The following DLG2 variants were observed in gnomAD, a reference collection of about 807,000 sequenced individuals.
The protein encoded by DLG2 is discs large MAGUK scaffold protein 2.
DLG2 carries 45 observed loss-of-function variants against 132.5 expected under a neutral mutation model. The observed-to-expected ratio is 0.34, with a 90% CI of 0.27 to 0.44. DLG2 has a LOEUF of 0.44. Ranked by LOEUF, DLG2 falls within the 20% of genes least tolerant of loss-of-function variation. The pLI, the probability that DLG2 is intolerant of heterozygous loss-of-function variation, is 1.00. For missense variants in DLG2, 1,045 were observed against 1,196.9 expected, an observed-to-expected ratio of 0.87 and a Z score of 1.87; for synonymous variants, 424 against 419.6, an observed-to-expected ratio of 1.01 and a Z score of -0.13.
intron 17 of DLG2, among the ~76,000 whole-genome samples, chr11:83,833,015 A>G (rs1050212884): frequency 6.6e-6 from 1 of 152,204 alleles, no homozygotes; most frequent in Non-Finnish European, 1.5e-5. Context: ...ATTTTTAAAA[A>G]GGCATGCTTC....
At chr11:84,697,686 G>T (rs936725602) in intron 6 of DLG2, among the ~76,000 whole-genome samples, 1 of 151,318 alleles carries the variant, frequency 6.6e-6, no homozygotes, top group Admixed American at 6.6e-5. Flanking sequence ...GTTAAAGAAC[G>T]AAAGCTTTGA....
intron 6 of DLG2, among the ~76,000 whole-genome samples, chr11:84,777,314 TA>T (rs2070818052): frequency 8.3e-6 from 1 of 120,034 alleles, no homozygotes; most frequent in African/African-American, 3.1e-5. Flanking sequence ...TATATATATA[TA>T]TATATATATA....
At chr11:85,290,142 A>G (rs1334595367) in intron 3 of DLG2, among the ~76,000 whole-genome samples, 1 of 152,152 alleles carries the variant, frequency 6.6e-6, no homozygotes, top group Non-Finnish European at 1.5e-5. Flanking sequence ...AAAATCATTG[A>G]ATGAAGTCAA....
intron 14 of DLG2, among the ~76,000 whole-genome samples, chr11:83,942,124 T>G (rs759129315): frequency 6.6e-6 from 1 of 152,308 alleles, no homozygotes; most frequent in Non-Finnish European, 1.5e-5. Context: ...TTTATGTTCA[T>G]TAGTGCTGAA....
At chr11:85,553,077 T>C (rs2076756211) in intron 3 of DLG2, among the ~76,000 whole-genome samples, 1 of 151,314 alleles carries the variant, frequency 6.6e-6, no homozygotes. Flanking sequence ...CTAATTATAA[T>C]TTCATTTATT....
intron 7 of DLG2, among the ~76,000 whole-genome samples, chr11:84,306,431 T>C (rs1386429658): frequency 6.6e-6 from 1 of 152,182 alleles, no homozygotes; most frequent in East Asian, 1.9e-4. Flanking sequence ...AAATCAGCAT[T>C]ATGTTTTAAG....
intron 8 of DLG2, among the ~76,000 whole-genome samples, chr11:84,214,885 A>C (rs1052866899): frequency 7.2e-5 from 11 of 152,198 alleles, no homozygotes; most frequent in African/African-American, 2.7e-4. Context: ...TTAAGTAGGA[A>C]AAGGTATAAA....
chr11:84,406,295 T>A (rs2154449951), intron 7 of DLG2, among the ~76,000 whole-genome samples: 1 of 152,230 alleles, frequency 6.6e-6, no homozygotes, highest in Non-Finnish European at 1.5e-5. Flanking sequence ...GACCTTTTTT[T>A]GTTGTTGTTT....
chr11:84,781,792 C>A (rs2071824510), intron 6 of DLG2, among the ~76,000 whole-genome samples: 1 of 152,082 alleles, frequency 6.6e-6, no homozygotes, highest in Non-Finnish European at 1.5e-5. Context: ...TGGAAGGAAA[C>A]AAGATATTTC....
At chr11:84,506,768 ATG>A (rs1391987494) in intron 7 of DLG2, among the ~76,000 whole-genome samples, 7 of 152,194 alleles carry the variant, frequency 4.6e-5, no homozygotes, top group African/African-American at 1.7e-4. Flanking sequence ...TAATATTTAT[ATG>A]TGTAGTATCT....
intron 7 of DLG2, among the ~76,000 whole-genome samples, chr11:84,340,033 A>G (rs1365754978): frequency 2.0e-5 from 3 of 152,242 alleles, no homozygotes; most frequent in East Asian, 3.8e-4. Context: ...ACCCAATTAC[A>G]GAAAGTCACC....
At chr11:84,813,049 T>C (rs771482075) in intron 6 of DLG2, among the ~76,000 whole-genome samples, 1 of 152,162 alleles carries the variant, frequency 6.6e-6, no homozygotes, top group Non-Finnish European at 1.5e-5. Flanking sequence ...ATAGGAAGGC[T>C]GTTTATCCTT....
chr11:85,537,512 G>A (rs2075675139), intron 3 of DLG2, among the ~76,000 whole-genome samples: 1 of 150,976 alleles, frequency 6.6e-6, no homozygotes. Context: ...CAGGAGGGAT[G>A]AACAACTCCA....
At chr11:84,817,451 C>T (rs1165669966) in intron 6 of DLG2, among the ~76,000 whole-genome samples, 1 of 151,824 alleles carries the variant, frequency 6.6e-6, no homozygotes, top group Non-Finnish European at 1.5e-5. Flanking sequence ...TCTAGATGTG[C>T]CCAGCATGAA....
At chr11:85,126,925 G>T (rs553690394) in intron 5 of DLG2, among the ~76,000 whole-genome samples, 1 of 152,206 alleles carries the variant, frequency 6.6e-6, no homozygotes, top group East Asian at 1.9e-4. Flanking sequence ...CTAGTAAAAG[G>T]GGAAACCATT....
At chr11:83,980,416 T>C in intron 12 of DLG2, 90 bp downstream of exon 12, 1 of 1,390,878 alleles carries the variant, frequency 7.2e-7, no homozygotes, top group South Asian at 1.7e-5. Context: ...TGGTATTTTG[T>C]GATGGCAGCC....
intron 7 of DLG2, among the ~76,000 whole-genome samples, chr11:84,340,541 A>G (rs2098509782): frequency 6.6e-6 from 1 of 152,184 alleles, no homozygotes; most frequent in Non-Finnish European, 1.5e-5. Flanking sequence ...ATATATCTCC[A>G]GAAAAGTAGG....
At chr11:83,881,154 T>A (rs1376691131) in intron 15 of DLG2, among the ~76,000 whole-genome samples, 1 of 152,068 alleles carries the variant, frequency 6.6e-6, no homozygotes, top group Non-Finnish European at 1.5e-5. Context: ...CAGGGAAGAG[T>A]GCCATGAGAT....
chr11:84,586,711 ATTT>A (rs1228110052), intron 6 of DLG2, among the ~76,000 whole-genome samples: 7 of 151,828 alleles, frequency 4.6e-5, no homozygotes, highest in Non-Finnish European at 1.0e-4. Context: ...ATTGATTAGA[ATTT>A]TTTATATATT....
Sources: allele counts gnomAD v4.1 joint callset (sites outside exome capture counted in the v4.1 genomes callset), GRCh38; gene constraint gnomAD v4.1.1; transcripts MANE v1.5; gene names NCBI Gene and HGNC (gene_info 2026-07-23, HGNC 2026-07-21).